BIN2: variants seen among roughly 807,000 people sequenced by gnomAD.
BIN2 encodes bridging integrator 2, also known as breast cancer associated protein BRAP1.
Under a neutral mutation model 67.9 loss-of-function variants are expected in BIN2, and 43 were observed. The observed-to-expected ratio is 0.63, with a 90% CI of 0.50 to 0.82. The LOEUF (loss-of-function observed/expected upper bound fraction) is 0.82. Among genes scored for constraint, BIN2 ranks in the 40% least tolerant of loss-of-function variants. BIN2 has a pLI of 0.00. For synonymous variants in BIN2, 244 were observed against 246.8 expected (o/e 0.99, Z 0.11); for missense variants, 581 against 671.6 (o/e 0.87, Z 1.49).
chr12:51,314,717 T>C (rs933007473), intron 1 of BIN2, among the ~76,000 whole-genome samples: 1 of 151,524 alleles, frequency 6.6e-6, no homozygotes, highest in African/African-American at 2.4e-5. Flanking sequence ...GAGAATCGCT[T>C]GAACCCAGCA....
intron 2 of BIN2, among the ~76,000 whole-genome samples, chr12:51,306,667 C>T (rs962157965): frequency 5.9e-5 from 9 of 152,094 alleles, no homozygotes; most frequent in East Asian, 1.9e-4. Context: ...GCTACAGAGA[C>T]GTTAGAATGC....
chr12:51,316,492 T>C (rs1216937738), intron 1 of BIN2, among the ~76,000 whole-genome samples: 4 of 151,762 alleles, frequency 2.6e-5, no homozygotes, highest in Non-Finnish European at 5.9e-5. Context: ...GGAAATTGTC[T>C]CAAAAAAAAG....
chr12:51,303,928 C>A (rs903154057), intron 2 of BIN2, among the ~76,000 whole-genome samples: 3 of 152,190 alleles, frequency 2.0e-5, no homozygotes, highest in Non-Finnish European at 1.5e-5. Context: ...GACAGTATCA[C>A]TTGATTTTAA....
chr12:51,321,985 C>T (rs576519751), intron 1 of BIN2, among the ~76,000 whole-genome samples: 1 of 152,340 alleles, frequency 6.6e-6, no homozygotes, highest in South Asian at 2.1e-4. Flanking sequence ...GAAGTTCAAC[C>T]TTTGCCTACC....
At chr12:51,303,999 C>T (rs1318673415) in intron 2 of BIN2, 2 of 152,220 alleles carry the variant, frequency 1.3e-5, no homozygotes, top group African/African-American at 4.8e-5. Flanking sequence ...AATCCCAGCA[C>T]TTCGGGAGGC....
intron 5 of BIN2, among the ~76,000 whole-genome samples, chr12:51,301,494 T>C (rs1045623756): frequency 4.6e-5 from 7 of 152,092 alleles, no homozygotes; most frequent in Non-Finnish European, 7.4e-5. Context: ...TATAGCTTAC[T>C]GAAATCTAAG....
At chr12:51,288,075 C>T (rs1448256794) in intron 11 of BIN2, 33 bp downstream of exon 11, 2 of 1,427,430 alleles carry the variant, frequency 1.4e-6, no homozygotes, top group East Asian at 2.3e-5. Flanking sequence ...AAAAATAGGG[C>T]ATCATCATGT....
rs76266109 is a variant in BIN2 at position 51,288,609 on chromosome 12, C to T, written c.1516-421G>A. Among the ~76,000 whole-genome samples the T allele has an allele frequency of 2.0e-3, 304 of 152,006 alleles. 3 individuals are homozygous for T. The East Asian group carries it at 0.028, about 14-fold the overall frequency. ...TATTTTGTTTTGTTCACTGTCATAC[C>T]CCACCTCCTAGAAAAGTCCCAGGCA... On this transcript the variant is annotated intron_variant, in intron 10 of 12. Coordinates refer to ENST00000615107, the MANE Select transcript of BIN2 (RefSeq NM_016293.4).
intron 1 of BIN2, among the ~76,000 whole-genome samples, chr12:51,315,276 T>A (rs1946094437): frequency 6.6e-6 from 1 of 151,640 alleles, no homozygotes; most frequent in Non-Finnish European, 1.5e-5. Flanking sequence ...TTCACGCCAT[T>A]CTCCTGCCTC....
intron 1 of BIN2, among the ~76,000 whole-genome samples, chr12:51,319,968 T>C (rs1390769406): frequency 6.6e-6 from 1 of 152,102 alleles, no homozygotes; most frequent in African/African-American, 2.4e-5. Flanking sequence ...TTTCCTTCCT[T>C]CCTTCCTTTT....
At chr12:51,319,907 A>AT (rs1300457251) in intron 1 of BIN2, among the ~76,000 whole-genome samples, 1 of 151,984 alleles carries the variant, frequency 6.6e-6, no homozygotes, top group Admixed American at 6.6e-5. Context: ...TTTTGCTAAA[A>AT]TTTTTTCTTA....
At chr12:51,322,985 A>G (rs1946325311) in intron 1 of BIN2, 1 of 152,172 alleles carries the variant, frequency 6.6e-6, no homozygotes, top group Non-Finnish European at 1.5e-5. Context: ...TTTAGAAGAT[A>G]ATAGGGATAT....
intron 1 of BIN2, among the ~76,000 whole-genome samples, chr12:51,323,463 A>G (rs555828978): frequency 7.2e-5 from 11 of 152,266 alleles, no homozygotes; most frequent in African/African-American, 2.4e-4. Context: ...GGGAGGGTAG[A>G]AGAAGCAGAT....
At chr12:51,313,585 C>T (rs191547961) in intron 2 of BIN2, among the ~76,000 whole-genome samples, 73 of 152,140 alleles carry the variant, frequency 4.8e-4, no homozygotes, top group African/African-American at 1.6e-3. Flanking sequence ...AGGTGATCCG[C>T]CCGCCTCGCC....
intron 12 of BIN2, among the ~76,000 whole-genome samples, chr12:51,283,441 G>A (rs1252777297): frequency 1.3e-5 from 2 of 152,004 alleles, no homozygotes; most frequent in Admixed American, 6.6e-5. Flanking sequence ...CAGTGATATG[G>A]GTGATCCTGA....
At chr12:51,295,716 G>A in intron 9 of BIN2, 80 bp downstream of exon 9, 1 of 1,174,640 alleles carries the variant, frequency 8.5e-7, no homozygotes. Flanking sequence ...GACAGGTCAG[G>A]ATTCTGGACT....
chr12:51,298,663 A>G (rs1945633915), intron 7 of BIN2, among the ~76,000 whole-genome samples: 1 of 152,210 alleles, frequency 6.6e-6, no homozygotes, highest in Non-Finnish European at 1.5e-5. Context: ...TCCTATGTAC[A>G]CTAATAAGTG....
At chr12:51,301,025 C>A (rs563187779) in intron 5 of BIN2, among the ~76,000 whole-genome samples, 1 of 152,230 alleles carries the variant, frequency 6.6e-6, no homozygotes, top group Admixed American at 6.5e-5. Context: ...TGAGACCAGC[C>A]TGGACAACAC....
intron 7 of BIN2, among the ~76,000 whole-genome samples, chr12:51,298,934 A>G (rs1413175380): frequency 6.6e-6 from 1 of 151,888 alleles, no homozygotes; most frequent in African/African-American, 2.4e-5. Flanking sequence ...TTAGCCAGGC[A>G]TGGTGGCACA....
Sources: gnomAD v4.1 joint callset for allele counts (sites outside exome capture counted in the v4.1 genomes callset) on GRCh38, gnomAD v4.1.1 for gene constraint, MANE v1.5 for transcripts, NCBI Gene and HGNC (gene_info 2026-07-23, HGNC 2026-07-21) for gene names.